The following NEK1 variants were observed in gnomAD, a reference collection of about 807,000 sequenced individuals.
NEK1 encodes serine/threonine-protein kinase Nek1.
In NEK1, 137 loss-of-function variants were observed where a neutral mutation model predicts 182.1. The observed-to-expected ratio is 0.75, with a 90% CI of 0.65 to 0.87. NEK1 has a LOEUF of 0.87. Among genes scored for constraint, NEK1 ranks in the 40% least tolerant of loss-of-function variants. The pLI is 0.00. For missense variants in NEK1, 1,391 were observed against 1,494.4 expected (o/e 0.93, Z 1.14); for synonymous variants, 513 against 492.2 (o/e 1.04, Z -0.56).
chr4:169,583,838 T>G (rs1767082783), intron 10 of NEK1, among the ~76,000 whole-genome samples: 1 of 152,230 alleles, frequency 6.6e-6, no homozygotes, highest in Non-Finnish European at 1.5e-5. Context: ...TCTCCAAATT[T>G]TATTTGGCTT....
chr4:169,438,229 G>C lies in NEK1; in HGVS notation c.2618C>G (p.Pro873Arg). Reference protein sequence around the residue: ...EISPEGEKYKPLITGEKKVQC... With the variant: ...EISPEGEKYKRLITGEKKVQC... Reference sequence around the variant, plus strand: ...TACTTTTTTTTCTCCAGTAATTAAGGGTTTGTACTTTTCCCCTTCGGGAGA... The same window carrying C: ...TACTTTTTTTTCTCCAGTAATTAAGCGTTTGTACTTTTCCCCTTCGGGAGA... Residue 873 changes from proline (P) to arginine (R), a missense_variant, in exon 28 of 36, where the codon CCC (proline) becomes CGC (arginine). Transcript: ENST00000507142. 1 of 1,557,748 alleles carries C rather than the reference G, an allele frequency of 6.4e-7. No individual in the cohort carries two copies. Among genetic ancestry groups the C allele is most frequent in the Non-Finnish European group, 8.7e-7 (1 of 1,150,464 alleles).
chr4:169,496,311 G>A (rs868752762), intron 23 of NEK1, among the ~76,000 whole-genome samples: 1,912 of 151,098 alleles, frequency 0.013, 29 homozygotes, highest in African/African-American at 0.044. Flanking sequence ...GGGCTGAGAC[G>A]ATGGGGTTTT....
chr4:169,492,820 CT>C (rs1338919018), intron 23 of NEK1, among the ~76,000 whole-genome samples: 1 of 152,110 alleles, frequency 6.6e-6, no homozygotes, highest in African/African-American at 2.4e-5. Flanking sequence ...CAAACTGCCC[CT>C]CAAGGAGGAG....
At chr4:169,474,486 CTT>C (rs1746597071) in intron 26 of NEK1, among the ~76,000 whole-genome samples, 2 of 152,186 alleles carry the variant, frequency 1.3e-5, no homozygotes, top group Admixed American at 6.6e-5. Flanking sequence ...TCTAAACTCT[CTT>C]TTTAAATTTC....
chr4:169,444,134 A>G (rs1740052050), intron 27 of NEK1, among the ~76,000 whole-genome samples: 4 of 152,174 alleles, frequency 2.6e-5, no homozygotes, highest in African/African-American at 9.6e-5. Context: ...ACATTCACAA[A>G]CAAAAGAGAA....
chr4:169,579,832 G>A (rs1417085411), intron 11 of NEK1, among the ~76,000 whole-genome samples: 1 of 150,538 alleles, frequency 6.6e-6, no homozygotes, highest in Non-Finnish European at 1.5e-5. Flanking sequence ...GCCTTCCTGA[G>A]AACGCACTGT....
At chr4:169,525,167 C>T (rs1756702552) in intron 19 of NEK1, among the ~76,000 whole-genome samples, 2 of 152,126 alleles carry the variant, frequency 1.3e-5, no homozygotes, top group Admixed American at 6.5e-5. Flanking sequence ...CTTGCTCTGT[C>T]ACCCAGGCTG....
chr4:169,606,993 G>A (rs562860264), intron 2 of NEK1, among the ~76,000 whole-genome samples: 5 of 152,240 alleles, frequency 3.3e-5, no homozygotes, highest in South Asian at 4.1e-4. Flanking sequence ...GAGAGAAAGC[G>A]GTCAGAGTTC....
At chr4:169,396,394 A>C (rs867420243) in intron 35 of NEK1, among the ~76,000 whole-genome samples, 2 of 142,292 alleles carry the variant, frequency 1.4e-5, no homozygotes, top group African/African-American at 5.4e-5. Flanking sequence ...AAAAAAAAAA[A>C]AAGAAGAATC....
rs33985502 is a variant in NEK1 at position 169,439,845 on chromosome 4, CTTTTTTT to C, written c.2588-1593_2588-1587del. On this transcript the variant is annotated intron_variant, in intron 27 of 35. Coordinates refer to ENST00000507142, the MANE Select transcript of NEK1 (RefSeq NM_001199397.3). ...AAGGAAGAGGAGGAGGTTAGGGTAT[CTTTTTTT>C]TTTTTTTTTTTTTTGTTAGAGACCT... 8.6e-5 allele frequency among the ~76,000 whole-genome samples: 10 copies of C among 116,384 alleles called. No homozygotes were observed. In the East Asian group the frequency reaches 1.2e-3, roughly 14 times the overall value. 76.4% of individuals were successfully genotyped at this position (116,384 alleles called of 152,430 possible). A position where few individuals can be genotyped will look rare whatever the true frequency, so the allele number is the denominator to read the frequency against.
intron 27 of NEK1, among the ~76,000 whole-genome samples, chr4:169,445,554 A>C (rs1579685212): frequency 6.6e-6 from 1 of 152,314 alleles, no homozygotes; most frequent in South Asian, 2.1e-4. Flanking sequence ...CATTATCCTA[A>C]GTGAACTAAC....
chr4:169,500,219 C>T (rs568323984), intron 23 of NEK1, among the ~76,000 whole-genome samples: 1 of 152,362 alleles, frequency 6.6e-6, no homozygotes, highest in African/African-American at 2.4e-5. Flanking sequence ...ATATAATCTC[C>T]TGGTGTGCCA....
chr4:169,526,418 G>C (rs1756911878), intron 19 of NEK1, among the ~76,000 whole-genome samples: 2 of 152,162 alleles, frequency 1.3e-5, no homozygotes, highest in Admixed American at 1.3e-4. Flanking sequence ...GAGCCTAAAA[G>C]TGTGAGGCTG....
rs756921533 is a variant in NEK1 at position 169,602,510 on chromosome 4, T to C, written c.117+4A>G. On this transcript the variant is annotated splice_donor_region_variant and intron_variant, in intron 3 of 35. Transcript: ENST00000507142. Reference sequence around the variant, plus strand: ...TCATGAAACCAAACTAAAAATATACTTACTCTTGAGATGTTAATTTCCTTG... The same window carrying C: ...TCATGAAACCAAACTAAAAATATACCTACTCTTGAGATGTTAATTTCCTTG... 6.9e-7 allele frequency: 1 copy of C among 1,450,078 alleles called. No individual in the cohort carries two copies. 89.8% of individuals were successfully genotyped at this position (1,450,078 alleles called of 1,614,324 possible).
chr4:169,393,429 T>C lies in NEK1; in HGVS notation c.*1081A>G, dbSNP rs934348253. On this transcript the variant is annotated 3_prime_UTR_variant, in exon 36 of 36. Transcript: ENST00000507142. ...AAGATTTTATTTTTCAAATTACATA[T>C]TATGCCAACCAGCCTGCTTTGGACT... 1 of 152,166 alleles carries C rather than the reference T, an allele frequency of 6.6e-6. No individual in the cohort carries two copies. The highest frequency in any genetic ancestry group is 2.4e-5 in the African/African-American group (1 of 41,440). The allele number at this position is 152,166 out of a possible 1,614,324, so 9.4% of individuals were successfully genotyped here.
intron 5 of NEK1, among the ~76,000 whole-genome samples, chr4:169,597,741 T>C (rs894345791): frequency 2.6e-5 from 4 of 151,972 alleles, no homozygotes; most frequent in African/African-American, 9.7e-5. Context: ...GAGACCACCC[T>C]GGCTAACACG....
intron 27 of NEK1, among the ~76,000 whole-genome samples, chr4:169,460,056 T>C (rs568466299): frequency 2.4e-4 from 37 of 152,232 alleles, no homozygotes; most frequent in African/African-American, 8.2e-4. Context: ...CATTGGTCTA[T>C]TGATTAAAAC....
intron 10 of NEK1, among the ~76,000 whole-genome samples, chr4:169,584,123 C>A (rs972934254): frequency 1.3e-5 from 2 of 152,070 alleles, no homozygotes; most frequent in African/African-American, 4.8e-5. Context: ...ATAACTTATG[C>A]TAATTGATTT....
chr4:169,485,575 T>C (rs1273681496), intron 23 of NEK1, among the ~76,000 whole-genome samples: 1 of 152,122 alleles, frequency 6.6e-6, no homozygotes. Flanking sequence ...GTTGAGCAAA[T>C]ATGACATATC....
Sources: gnomAD v4.1 joint callset for allele counts (sites outside exome capture counted in the v4.1 genomes callset) on GRCh38, gnomAD v4.1.1 for gene constraint, MANE v1.5 for transcripts, NCBI Gene and HGNC (gene_info 2026-07-23, HGNC 2026-07-21) for gene names.